GLIS3: variants seen among roughly 807,000 people sequenced by gnomAD.
The protein encoded by GLIS3 is zinc finger protein GLIS3.
In GLIS3, 53 loss-of-function variants were observed where a neutral mutation model predicts 78.6. That is an observed-to-expected ratio of 0.67 (90% CI 0.54 to 0.85). The LOEUF (loss-of-function observed/expected upper bound fraction) is 0.85, where lower values mean the gene tolerates loss of function less well. Ranked by LOEUF, GLIS3 falls within the 40% of genes least tolerant of loss-of-function variation. GLIS3 has a pLI of 0.00. For missense variants in GLIS3, 1,703 were observed against 1,231.1 expected (o/e 1.38, Z -5.74); for synonymous variants, 684 against 509.9 (o/e 1.34, Z -4.60).
intron 2 of GLIS3, among the ~76,000 whole-genome samples, chr9:4,182,219 G>A (rs116669441): frequency 5.5e-4 from 83 of 152,284 alleles, no homozygotes; most frequent in African/African-American, 1.9e-3. Context: ...GAGTTCTGTA[G>A]ACAAATAGTT....
rs1232662189 is a variant in GLIS3, at chr9:3,971,118, C to CGAAG, written c.1711-33933_1711-33930dup. On this transcript the variant is annotated intron_variant, in intron 4 of 10. Coordinates refer to ENST00000381971, the MANE Select transcript of GLIS3 (RefSeq NM_001042413.2). ...TAGATCGAAGGAAGGAAGGAAGGAT[C>CGAAG]GAAGGAAGGAAGGAAGGAAGGGAGC... 7.9e-4 allele frequency among the ~76,000 whole-genome samples: 69 copies of CGAAG among 86,836 alleles called. 1 individual carries two copies. The East Asian group carries it at 8.9e-3, about 11-fold the overall frequency. 57.0% of individuals were successfully genotyped at this position (86,836 alleles called of 152,430 possible). A position where few individuals can be genotyped will look rare whatever the true frequency, so the allele number is the denominator to read the frequency against.
intron 4 of GLIS3, among the ~76,000 whole-genome samples, chr9:4,036,412 T>A (rs1824313595): frequency 6.6e-6 from 1 of 152,200 alleles, no homozygotes; most frequent in South Asian, 2.1e-4. Context: ...TAAACAGATG[T>A]ATAAATAAAG....
the GLIS3 span, among the ~76,000 whole-genome samples, chr9:4,477,798 T>G: frequency 1.3e-5 from 2 of 151,998 alleles, no homozygotes; most frequent in Non-Finnish European, 2.9e-5. Context: ...GGCTGCAGAG[T>G]AATATGAATG....
intron 4 of GLIS3, among the ~76,000 whole-genome samples, chr9:4,031,126 C>A (rs749279553): frequency 1.3e-5 from 2 of 152,042 alleles, no homozygotes; most frequent in Non-Finnish European, 2.9e-5. Context: ...CTATATGACC[C>A]GACAATTCTA....
intron 2 of GLIS3, among the ~76,000 whole-genome samples, chr9:4,336,328 C>T (rs542063915): frequency 6.6e-6 from 1 of 152,188 alleles, no homozygotes; most frequent in Non-Finnish European, 1.5e-5. Flanking sequence ...ATCCACTAAG[C>T]CCCTGGTGCT....
At chr9:3,921,201 A>G (rs888879380) in intron 6 of GLIS3, among the ~76,000 whole-genome samples, 16 of 152,218 alleles carry the variant, frequency 1.1e-4, no homozygotes, top group African/African-American at 3.9e-4. Flanking sequence ...AATTGTATTC[A>G]GATCACCCAC....
chr9:4,246,463 G>T (rs1823813054), intron 2 of GLIS3, among the ~76,000 whole-genome samples: 1 of 152,284 alleles, frequency 6.6e-6, no homozygotes, highest in South Asian at 2.1e-4. Flanking sequence ...AAGAGGTATG[G>T]TCTTATACGG....
chr9:4,059,825 T>TGAGAGAGA (rs1469909194), intron 4 of GLIS3, among the ~76,000 whole-genome samples: 75 of 120,342 alleles, frequency 6.2e-4, no homozygotes, highest in African/African-American at 2.3e-3. Flanking sequence ...TGTGTGTGTG[T>TGAGAGAGA]GTGTGAGAGA....
At chr9:4,259,174 A>G (rs1825269105) in intron 2 of GLIS3, among the ~76,000 whole-genome samples, 1 of 152,202 alleles carries the variant, frequency 6.6e-6, no homozygotes, top group Non-Finnish European at 1.5e-5. Flanking sequence ...TCAGAAACCT[A>G]GAAACTGGTA....
intron 2 of GLIS3, among the ~76,000 whole-genome samples, chr9:4,134,085 G>A (rs1442385335): frequency 6.6e-6 from 1 of 152,138 alleles, no homozygotes; most frequent in Non-Finnish European, 1.5e-5. Flanking sequence ...TGGCAAGAAA[G>A]ACTGAAAGGA....
intron 8 of GLIS3, among the ~76,000 whole-genome samples, chr9:3,867,690 C>T (rs890496561): frequency 3.2e-4 from 48 of 151,548 alleles, no homozygotes; most frequent in African/African-American, 1.1e-3. Flanking sequence ...AGATCAGGAA[C>T]AACTTTTATT....
rs548114691 is a variant in GLIS3, at chr9:4,146,801, T to A, written c.389-20860A>T. Among the ~76,000 whole-genome samples, 63 of 152,342 alleles carry A rather than the reference T, an allele frequency of 4.1e-4. 1 individual carries two copies. In the South Asian group the frequency reaches 6.4e-3, roughly 16 times the overall value. ...TACTAATAAAAATTAAACAGTTCTC[T>A]AGATAAACACAGCAAAGAGGAAGGA... On this transcript the variant is annotated intron_variant, in intron 2 of 10. Transcript: ENST00000381971.
the GLIS3 span, among the ~76,000 whole-genome samples, chr9:4,453,359 A>AAG: frequency 6.1e-5 from 9 of 146,602 alleles, no homozygotes; most frequent in East Asian, 3.9e-4. Context: ...AAAAAAAAAA[A>AAG]AAAAAGAAAA....
At chr9:4,339,482 C>G (rs905771529) in intron 2 of GLIS3, among the ~76,000 whole-genome samples, 1 of 151,764 alleles carries the variant, frequency 6.6e-6, no homozygotes, top group Non-Finnish European at 1.5e-5. Context: ...GTTACATAAA[C>G]AGCCTTGTTT....
intron 2 of GLIS3, among the ~76,000 whole-genome samples, chr9:4,181,222 G>C (rs1035515049): frequency 5.3e-5 from 8 of 152,238 alleles, no homozygotes; most frequent in Admixed American, 3.9e-4. Context: ...GTATTGGCCA[G>C]GCCCCACCCA....
the GLIS3 span, among the ~76,000 whole-genome samples, chr9:4,483,417 C>T: frequency 6.6e-6 from 1 of 152,170 alleles, no homozygotes; most frequent in East Asian, 1.9e-4. Flanking sequence ...TATATTTGTT[C>T]CTTACATAAG....
In GLIS3 at chr9:4,118,026, CTGGGGCAAGGCCAGCTGCTGGGCG is replaced by C; in HGVS notation, c.1428_1451del (p.His476_Pro483del). 2 of 1,596,564 alleles carry C rather than the reference CTGGGGCAAGGCCAGCTGCTGGGCG, an allele frequency of 1.3e-6. No individual in the cohort carries two copies. The highest frequency in any genetic ancestry group is 1.7e-6 in the Non-Finnish European group (2 of 1,170,762). ...TCTCCCCGTCGTCGTCCAGGGTGGC[CTGGGGCAAGGCCAGCTGCTGGGCG>C]TGGGGCCCGAGCTCCGGGTGGTGAA... On this transcript the variant is annotated inframe_deletion, in exon 4 of 11. Coordinates refer to ENST00000381971, the MANE Select transcript of GLIS3 (RefSeq NM_001042413.2). The surrounding 1 kb of genome is among the most constrained non-coding windows in gnomAD (Gnocchi z 4.7).
intron 2 of GLIS3, among the ~76,000 whole-genome samples, chr9:4,147,905 C>T (rs1450716881): frequency 6.6e-6 from 1 of 152,122 alleles, no homozygotes; most frequent in Non-Finnish European, 1.5e-5. Flanking sequence ...AGAAGACATC[C>T]AGGGAATTCA....
intron 4 of GLIS3, among the ~76,000 whole-genome samples, chr9:4,307,925 T>G (rs920078092): frequency 6.6e-6 from 1 of 152,136 alleles, no homozygotes; most frequent in East Asian, 1.9e-4. Flanking sequence ...TAAGATAGAA[T>G]TGCGGGTTGT....
Sources: gnomAD v4.1 joint callset for allele counts (sites outside exome capture counted in the v4.1 genomes callset) on GRCh38, gnomAD v4.1.1 for gene constraint, Gnocchi (gnomAD v3.1) non-coding constraint, MANE v1.5 for transcripts, NCBI Gene and HGNC (gene_info 2026-07-23, HGNC 2026-07-21) for gene names.